The following ITPR1 variants were observed in gnomAD, a reference collection of about 807,000 sequenced individuals.
The protein encoded by ITPR1 is inositol 1,4,5-trisphosphate receptor type 1.
ITPR1 carries 96 observed loss-of-function variants against 318.4 expected under a neutral mutation model. The observed-to-expected ratio is 0.30, with a 90% CI of 0.26 to 0.36. ITPR1 has a LOEUF of 0.36. ITPR1 is among the 10% of genes least tolerant of loss of function. The pLI is 1.00. For missense variants in ITPR1, 2,440 were observed against 3,460.2 expected, an observed-to-expected ratio of 0.71 and a Z score of 7.40; for synonymous variants, 1,312 against 1,289.9, an observed-to-expected ratio of 1.02 and a Z score of -0.37.
chr3:4,584,873 C>A (rs1248744964), intron 4 of ITPR1, among the ~76,000 whole-genome samples: 1 of 151,910 alleles, frequency 6.6e-6, no homozygotes, highest in African/African-American at 2.4e-5. Flanking sequence ...AATGAAGAGA[C>A]AAAATGAAGC....
intron 4 of ITPR1, among the ~76,000 whole-genome samples, chr3:4,614,329 T>C (rs1253294568): frequency 1.3e-5 from 2 of 152,234 alleles, no homozygotes; most frequent in Non-Finnish European, 2.9e-5. Context: ...TTGTTTTTCA[T>C]TGCAGTGTGG....
intron 4 of ITPR1, among the ~76,000 whole-genome samples, chr3:4,623,885 T>C (rs1324991295): frequency 2.0e-5 from 3 of 152,208 alleles, no homozygotes; most frequent in African/African-American, 7.2e-5. Flanking sequence ...TGCAATACTC[T>C]GTTTCGCCCA....
At chr3:4,743,357 T>C (rs1177971212) in intron 44 of ITPR1, among the ~76,000 whole-genome samples, 2 of 152,250 alleles carry the variant, frequency 1.3e-5, no homozygotes, top group Non-Finnish European at 2.9e-5. Context: ...ATATCAGACT[T>C]GAGTGAGCCC....
intron 58 of ITPR1, 33 bp downstream of exon 58, chr3:4,814,595 GGGGGCGGGT>G: frequency 8.1e-7 from 1 of 1,230,348 alleles, no homozygotes; most frequent in Non-Finnish European, 1.1e-6. Context: ...GAAGGGCAAA[GGGGGCGGGT>G]GGGGTGGTTG....
rs760567629 is a variant in ITPR1, at chr3:4,811,274, T to A, written c.7282T>A (p.Leu2428Ile). The change falls in exon 56 of 62, where the codon TTA (leucine) becomes ATA (isoleucine). Residue 2428 changes from leucine (L) to isoleucine (I), a missense_variant. Around this residue, in one of 23 missense-constraint regions of ITPR1, gnomAD observed 126 missense variants for 150.8 expected, o/e 0.84. Coordinates refer to ENST00000649015, the MANE Select transcript of ITPR1 (RefSeq NM_001378452.1). Reference sequence around the variant, plus strand: ...TTGTTTGTTTTCAAAGCTTTTTGATTTAGTGTACAGAGAAGAGACTTTGCT... The same window carrying A: ...TTGTTTGTTTTCAAAGCTTTTTGATATAGTGTACAGAGAAGAGACTTTGCT... ...EFFYSLLLFDLVYREETLLNV... is the reference protein window; with the variant it reads ...EFFYSLLLFDIVYREETLLNV... The A allele has an allele frequency of 6.4e-7, 1 of 1,557,372 alleles. No individual in the cohort carries two copies. Among genetic ancestry groups the A allele is most frequent in the Non-Finnish European group, 8.7e-7 (1 of 1,153,404 alleles).
intron 14 of ITPR1, among the ~76,000 whole-genome samples, chr3:4,661,349 C>A (rs1388847282): frequency 6.6e-6 from 1 of 152,212 alleles, no homozygotes; most frequent in Non-Finnish European, 1.5e-5. Flanking sequence ...TGGATTTCAA[C>A]TGCATTTCAT....
At chr3:4,517,395 TG>T (rs1267435010) in intron 3 of ITPR1, among the ~76,000 whole-genome samples, 1 of 152,142 alleles carries the variant, frequency 6.6e-6, no homozygotes, top group Non-Finnish European at 1.5e-5. Flanking sequence ...TCAAATAAAT[TG>T]GGGGAAGGAA....
intron 4 of ITPR1, among the ~76,000 whole-genome samples, chr3:4,557,934 G>A (rs1575525596): frequency 6.6e-6 from 1 of 152,118 alleles, no homozygotes. Flanking sequence ...TAGTTATAAA[G>A]TGAGTTTTAT....
intron 47 of ITPR1, 101 bp from the exon 48 acceptor site, chr3:4,777,163 A>AGTG: frequency 3.0e-6 from 2 of 656,496 alleles, no homozygotes; most frequent in Non-Finnish European, 5.4e-6. Flanking sequence ...CATTACTGGG[A>AGTG]GTGGTAAGCA....
intron 44 of ITPR1, among the ~76,000 whole-genome samples, chr3:4,746,899 A>G (rs1178321363): frequency 2.0e-5 from 3 of 152,216 alleles, no homozygotes; most frequent in African/African-American, 7.2e-5. Flanking sequence ...TTCCGGGGTC[A>G]AGTCTCCATC....
intron 44 of ITPR1, among the ~76,000 whole-genome samples, chr3:4,745,095 CTG>C (rs1204289947): frequency 6.9e-6 from 1 of 144,564 alleles, no homozygotes; most frequent in Admixed American, 6.9e-5. Flanking sequence ...CTCTTTCTCA[CTG>C]TCTTTTTTTT....
rs140666292 is a variant in ITPR1 at position 4,502,679 on chromosome 3, C to G, written c.-17+8173C>G. 7.6e-3 allele frequency among the ~76,000 whole-genome samples: 1,157 copies of G among 151,958 alleles called. 8 individuals are homozygous for G. The highest frequency in any genetic ancestry group is 0.031 in the Middle Eastern group (9 of 292). On this transcript the variant is annotated intron_variant, in intron 2 of 61. Transcript: ENST00000649015. ...TTGTCTCGATCTCTTGACCTCATGA[C>G]CTGCCCACCTTGGCCTCCCGAAGTG...
At chr3:4,724,374 A>T (rs1202623159) in intron 40 of ITPR1, 1 of 152,232 alleles carries the variant, frequency 6.6e-6, no homozygotes, top group Non-Finnish European at 1.5e-5. Flanking sequence ...CAAAAGGGTA[A>T]TGTTGAGCTG....
At chr3:4,723,224 G>T (rs775879446) in intron 40 of ITPR1, among the ~76,000 whole-genome samples, 9 of 152,214 alleles carry the variant, frequency 5.9e-5, no homozygotes, top group Non-Finnish European at 1.2e-4. Flanking sequence ...TGCCCAGAGA[G>T]GTTCAGTGAC....
intron 10 of ITPR1, among the ~76,000 whole-genome samples, chr3:4,647,838 C>T (rs1214768833): frequency 6.6e-6 from 1 of 152,216 alleles, no homozygotes; most frequent in Non-Finnish European, 1.5e-5. Flanking sequence ...TCTTACCACT[C>T]TTTTAACATG....
At chr3:4,712,503 G>C in intron 39 of ITPR1, among the ~76,000 whole-genome samples, 1 of 152,318 alleles carries the variant, frequency 6.6e-6, no homozygotes, top group Non-Finnish European at 1.5e-5. Context: ...AATGATGGGC[G>C]TGAATTGAAA....
Position 4,777,318 on chromosome 3 carries a change from C to A in ITPR1, c.6235C>A (p.Leu2079Ile). Residue 2079 changes from leucine (L) to isoleucine (I), a missense_variant, in exon 48 of 62, where the codon CTC becomes ATC. By Grantham distance (5) the Leu-to-Ile change is conservative. Coordinates refer to ENST00000649015, the MANE Select transcript of ITPR1 (RefSeq NM_001378452.1). ...NGIDIITALI[L>I]NDINPLGKKR... The stretch of plus-strand genomic sequence containing the variant: ...CATTGACATCATCACAGCCCTGATC[C>A]TCAATGATATCAATCCTTTGGGAAA... 1 of 1,608,148 alleles carries A rather than the reference C, an allele frequency of 6.2e-7. No homozygotes were observed.
At chr3:4,726,268 G>A (rs1011806942) in intron 41 of ITPR1, among the ~76,000 whole-genome samples, 1 of 151,528 alleles carries the variant, frequency 6.6e-6, no homozygotes, top group East Asian at 1.9e-4. Context: ...GACCTCAGGT[G>A]ATCCACCCGC....
chr3:4,564,160 C>G (rs890105513), intron 4 of ITPR1, among the ~76,000 whole-genome samples: 6 of 152,078 alleles, frequency 3.9e-5, no homozygotes, highest in African/African-American at 1.4e-4. Flanking sequence ...AGGCTGGTCT[C>G]GAGCTCCTGA....
Sources: allele counts gnomAD v4.1 joint callset (sites outside exome capture counted in the v4.1 genomes callset), GRCh38; gene constraint gnomAD v4.1.1; regional missense constraint gnomAD v4.1.1; transcripts MANE v1.5; gene names NCBI Gene and HGNC (gene_info 2026-07-23, HGNC 2026-07-21).